Variants in OR51E2 observed in about 807,000 individuals in gnomAD.
OR51E2 encodes the protein olfactory receptor 51E2.
A neutral mutation model predicts 13.7 loss-of-function variants in OR51E2; 14 were observed. The observed-to-expected ratio is 1.02, with a 90% CI of 0.68 to 1.60. The LOEUF is 1.60. Among genes scored for constraint, OR51E2 ranks in the 40% most tolerant of loss-of-function variants. The probability of loss-of-function intolerance (pLI) is 0.00; values close to 1 mark genes in which losing one functional copy is unlikely to be tolerated. For missense variants in OR51E2, 483 were observed against 413.8 expected, an observed-to-expected ratio of 1.17 and a Z score of -1.45; for synonymous variants, 180 against 157.6, an observed-to-expected ratio of 1.14 and a Z score of -1.07.
At chr11:4,688,524 T>C (rs1318038921) in intron 1 of OR51E2, among the ~76,000 whole-genome samples, 1 of 152,190 alleles carries the variant, frequency 6.6e-6, no homozygotes, top group African/African-American at 2.4e-5. Context: ...TAGATATTTA[T>C]ATGCTTTTAT....
intron 1 of OR51E2, among the ~76,000 whole-genome samples, chr11:4,694,430 A>G (rs1441114540): frequency 6.6e-6 from 1 of 151,632 alleles, no homozygotes; most frequent in Non-Finnish European, 1.5e-5. Flanking sequence ...TTTAGCTCCT[A>G]TCAACCAGAA....
At position 4,681,841 on chromosome 11, in the gene OR51E2, A is replaced by G. The variant is rs1170695235; in HGVS notation, c.871T>C (p.Tyr291His). ...LLPPVINPII[Y>H]GAKTKQIRTR... ...CTGATCTGTTTGGTTTTGGCACCATAGATGATGGGATTGATGACAGGAGGC... is the reference window on the plus strand; with the variant it reads ...CTGATCTGTTTGGTTTTGGCACCATGGATGATGGGATTGATGACAGGAGGC... Residue 291 changes from tyrosine to histidine, a missense_variant, in exon 2 of 2, where the codon TAT (tyrosine) becomes CAT (histidine). Physicochemically the swap from Tyr to His is moderately conservative, Grantham distance 83. Coordinates refer to ENST00000396950, the MANE Select transcript of OR51E2 (RefSeq NM_030774.4). 7 of 1,614,082 alleles carry G rather than the reference A, an allele frequency of 4.3e-6. No homozygotes were observed. The highest frequency in any genetic ancestry group is 5.9e-6 in the Non-Finnish European group (7 of 1,180,046).
At chr11:4,685,903 A>C (rs182435503) in intron 1 of OR51E2, 24 of 152,288 alleles carry the variant, frequency 1.6e-4, no homozygotes, top group African/African-American at 5.3e-4. Flanking sequence ...TTAATATTTA[A>C]CACTAACCTG....
In OR51E2 at chr11:4,680,594, C is replaced by T. The variant is rs560850961; in HGVS notation, c.*1155G>A. On this transcript the variant is annotated 3_prime_UTR_variant, in exon 2 of 2. Transcript: ENST00000396950. The stretch of plus-strand genomic sequence containing the variant: ...AAATCTTGGCACAGTGCCCACAAGC[C>T]GTGTGACTTTAGTCCCCTTGATAAT... 3.3e-5 allele frequency: 5 copies of T among 152,720 alleles called. No individual in the cohort carries two copies. Among genetic ancestry groups the T allele is most frequent in the East Asian group, 3.9e-4 (2 of 5,182 alleles). 9.5% of individuals were successfully genotyped at this position (152,720 alleles called of 1,614,324 possible).
chr11:4,691,043 A>G (rs1847571798), intron 1 of OR51E2: 2 of 456,590 alleles, frequency 4.4e-6, no homozygotes, highest in Non-Finnish European at 8.8e-6. Flanking sequence ...TGATCAAAAC[A>G]TAAGAAAGGA....
intron 1 of OR51E2, among the ~76,000 whole-genome samples, chr11:4,697,148 T>C (rs914601688): frequency 2.0e-5 from 3 of 152,332 alleles, no homozygotes; most frequent in African/African-American, 7.2e-5. Flanking sequence ...TGAAATCACA[T>C]ACAACTGGTG....
chr11:4,683,394 C>A (rs1847480426), intron 1 of OR51E2, among the ~76,000 whole-genome samples: 2 of 152,258 alleles, frequency 1.3e-5, no homozygotes, highest in Admixed American at 1.3e-4. Flanking sequence ...ACAGCAATGA[C>A]ACTTTTTTTT....
Position 4,682,724 on chromosome 11 carries a change from GGA to G in OR51E2, c.-15_-14del. On this transcript the variant is annotated 5_prime_UTR_variant, in exon 2 of 2. Transcript: ENST00000396950. Reference sequence around the variant, plus strand: ...TGCAGGAACTCATAGCTGGAACTGAGGAGGGGTGACTGGAGAGGGTGAGGTCA... The same window carrying G: ...TGCAGGAACTCATAGCTGGAACTGAGGGGGTGACTGGAGAGGGTGAGGTCA... 6.2e-7 allele frequency: 1 copy of G among 1,608,814 alleles called. No individual in the cohort carries two copies. The highest frequency in any genetic ancestry group is 8.5e-7 in the Non-Finnish European group (1 of 1,176,872).
rs1248503804 is a variant in OR51E2, at chr11:4,681,909, T to C, written c.803A>G (p.His268Arg). Reference protein sequence around the residue: ...SVVHRFGNSLHPIVRVVMGDI... With the variant: ...SVVHRFGNSLRPIVRVVMGDI... ...ACCCATGACAACACGCACAATGGGA[T>C]GAAGGCTGTTTCCAAAGCGGTGTAC... is the stretch of plus-strand genomic sequence containing the variant. The change falls in exon 2 of 2, where the codon CAT becomes CGT. Residue 268 changes from histidine to arginine, a missense_variant. Coordinates refer to ENST00000396950, the MANE Select transcript of OR51E2 (RefSeq NM_030774.4). 5 of 1,614,048 alleles carry C rather than the reference T, an allele frequency of 3.1e-6. No individual in the cohort carries two copies. The highest frequency in any genetic ancestry group is 4.2e-6 in the Non-Finnish European group (5 of 1,179,978).
At chr11:4,695,170 A>C (rs374316017) in intron 1 of OR51E2, among the ~76,000 whole-genome samples, 1 of 152,194 alleles carries the variant, frequency 6.6e-6, no homozygotes, top group Admixed American at 6.5e-5. Flanking sequence ...CAGAGCATCA[A>C]GAGCCAGACA....
At chr11:4,688,928 C>T (rs1847546903) in intron 1 of OR51E2, among the ~76,000 whole-genome samples, 1 of 152,146 alleles carries the variant, frequency 6.6e-6, no homozygotes, top group Admixed American at 6.5e-5. Context: ...TGTGGGTGAG[C>T]ATGCTTTTTC....
intron 1 of OR51E2, chr11:4,690,677 G>T: frequency 3.0e-6 from 1 of 328,412 alleles, no homozygotes; most frequent in Non-Finnish European, 5.9e-6. Context: ...CAGTTCTTTG[G>T]TTGTTTTTTG....
chr11:4,696,318 A>T (rs561610495), intron 1 of OR51E2, among the ~76,000 whole-genome samples: 1 of 152,024 alleles, frequency 6.6e-6, no homozygotes, highest in Non-Finnish European at 1.5e-5. Context: ...ACGACATCGA[A>T]CTCTAGTAAA....
At chr11:4,688,807 G>A (rs1177300774) in intron 1 of OR51E2, among the ~76,000 whole-genome samples, 4 of 152,172 alleles carry the variant, frequency 2.6e-5, no homozygotes, top group Non-Finnish European at 5.9e-5. Context: ...GGGTCACCAG[G>A]ATTTACTAAA....
intron 1 of OR51E2, chr11:4,691,541 C>A: frequency 2.2e-6 from 1 of 456,966 alleles, no homozygotes; most frequent in Non-Finnish European, 4.4e-6. Context: ...GGAGGCTGGG[C>A]TGAGTGATGG....
In OR51E2 at chr11:4,682,587, C is replaced by T. The variant is rs770137649; in HGVS notation, c.125G>A (p.Cys42Tyr). ...CGTCCTTACGATGAAGACCACGATG[C>T]AGTTTCCAAACATTGCCACTACATA... ...SMYVVAMFGN[C>Y]IVVFIVRTER... Residue 42 changes from cysteine to tyrosine, a missense_variant, in exon 2 of 2, where the codon TGC becomes TAC. Cys to Tyr is a radical substitution (Grantham distance 194). Transcript: ENST00000396950. 2 of 1,614,080 alleles carry T rather than the reference C, an allele frequency of 1.2e-6. No homozygotes were observed. Among genetic ancestry groups the T allele is most frequent in the Non-Finnish European group, 1.7e-6 (2 of 1,180,054 alleles).
intron 1 of OR51E2, chr11:4,692,053 C>T (rs961124050): frequency 5.1e-5 from 19 of 370,372 alleles, no homozygotes; most frequent in Non-Finnish European, 9.1e-5. Context: ...ATATTTCATT[C>T]TTTATGGCAT....
chr11:4,693,666 G>A (rs1329969698), intron 1 of OR51E2, among the ~76,000 whole-genome samples: 2 of 152,056 alleles, frequency 1.3e-5, no homozygotes, highest in Admixed American at 6.5e-5. Flanking sequence ...GCTTCCAGGT[G>A]AACCGAGATG....
Position 4,682,533 on chromosome 11 carries a change from A to G in OR51E2, c.179T>C (p.Leu60Pro). The G allele has an allele frequency of 6.2e-7, 1 of 1,614,214 alleles. No individual in the cohort carries two copies. Among genetic ancestry groups the G allele is most frequent in the Non-Finnish European group, 8.5e-7 (1 of 1,180,038 alleles). ...TERSLHAPMY[L>P]FLCMLAAIDL... Reference sequence around the variant, plus strand: ...AATGGCTGCAAGCATGCAGAGAAAGAGGTACATCGGAGCGTGCAGGCTGCG... The same window carrying G: ...AATGGCTGCAAGCATGCAGAGAAAGGGGTACATCGGAGCGTGCAGGCTGCG... Residue 60 changes from leucine (L) to proline (P), a missense_variant, in exon 2 of 2, where the codon CTC becomes CCC. Coordinates refer to ENST00000396950, the MANE Select transcript of OR51E2 (RefSeq NM_030774.4).
Sources: gnomAD v4.1 joint callset for allele counts (sites outside exome capture counted in the v4.1 genomes callset) on GRCh38, gnomAD v4.1.1 for gene constraint, MANE v1.5 for transcripts, NCBI Gene and HGNC (gene_info 2026-07-23, HGNC 2026-07-21) for gene names.